The following KCNIP1 variants were observed in gnomAD, a reference collection of about 807,000 sequenced individuals.
KCNIP1 encodes the protein A-type potassium channel modulatory protein KCNIP1.
In KCNIP1, 18 loss-of-function variants were observed where a neutral mutation model predicts 33.0. The ratio of observed to expected loss-of-function variants is 0.55; its 90% CI spans 0.38 to 0.81. The LOEUF is 0.81. Among genes scored for constraint, KCNIP1 ranks in the 30% least tolerant of loss-of-function variants. KCNIP1 has a pLI of 0.00. For synonymous variants in KCNIP1, 93 were observed against 98.3 expected, an observed-to-expected ratio of 0.95 and a Z score of 0.32; for missense variants, 238 against 271.6, an observed-to-expected ratio of 0.88 and a Z score of 0.87.
chr5:170,684,309 T>C (rs1230227655), intron 1 of KCNIP1, among the ~76,000 whole-genome samples: 2 of 152,292 alleles, frequency 1.3e-5, no homozygotes, highest in East Asian at 3.9e-4. Context: ...TCTCACATAG[T>C]TCAGGAGGCT....
chr5:170,623,424 C>A (rs1038855584), intron 1 of KCNIP1, among the ~76,000 whole-genome samples: 3 of 151,938 alleles, frequency 2.0e-5, no homozygotes, highest in Non-Finnish European at 4.4e-5. Context: ...GTTGGTCAGG[C>A]TGGTCTTGAA....
Position 170,482,795 on chromosome 5 carries a change from T to C in KCNIP1, c.88+128831T>C, listed in dbSNP as rs972033180. Among the ~76,000 whole-genome samples, 3 of 152,302 alleles carry C rather than the reference T, an allele frequency of 2.0e-5. No individual in the cohort carries two copies. In the East Asian group the frequency reaches 5.8e-4, roughly 29 times the overall value. On this transcript the variant is annotated intron_variant, in intron 1 of 7. Transcript: ENST00000377360. ...TTATTAGCTCCAAAATTATAATAAC[T>C]TCCACAGCCTTCTTCCACCAATTCT... is the stretch of plus-strand genomic sequence containing the variant.
intron 1 of KCNIP1, among the ~76,000 whole-genome samples, chr5:170,414,896 G>T (rs1176104403): frequency 3.3e-5 from 5 of 152,184 alleles, no homozygotes; most frequent in Admixed American, 2.0e-4. Context: ...TATGTGTGAT[G>T]CGAAAAGGAA....
intron 1 of KCNIP1, among the ~76,000 whole-genome samples, chr5:170,432,281 C>T (rs763620628): frequency 2.0e-5 from 3 of 152,268 alleles, no homozygotes; most frequent in South Asian, 2.1e-4. Flanking sequence ...CCTGCAGACA[C>T]GTATTGTAGG....
intron 1 of KCNIP1, among the ~76,000 whole-genome samples, chr5:170,401,688 G>A (rs1391558941): frequency 6.6e-6 from 1 of 151,936 alleles, no homozygotes; most frequent in Non-Finnish European, 1.5e-5. Context: ...CTTGAGCCCA[G>A]GAAGTCAAGG....
At chr5:170,393,962 T>A (rs961988952) in intron 1 of KCNIP1, among the ~76,000 whole-genome samples, 5 of 152,164 alleles carry the variant, frequency 3.3e-5, no homozygotes, top group Non-Finnish European at 7.3e-5. Context: ...GCTTTTTCCT[T>A]AGTGCAAATC....
At chr5:170,661,786 ATATAT>A (rs1373322962) in intron 1 of KCNIP1, among the ~76,000 whole-genome samples, 4 of 152,228 alleles carry the variant, frequency 2.6e-5, no homozygotes, top group Non-Finnish European at 5.9e-5. Context: ...ACCGGCAAAT[ATATAT>A]TAGATATCGA....
At chr5:170,471,684 T>G (rs979809215) in intron 1 of KCNIP1, among the ~76,000 whole-genome samples, 1 of 152,136 alleles carries the variant, frequency 6.6e-6, no homozygotes, top group Non-Finnish European at 1.5e-5. Flanking sequence ...ACTGAACTGC[T>G]GCTCAGGGCT....
At chr5:170,607,488 AG>A (rs1306889596) in intron 1 of KCNIP1, among the ~76,000 whole-genome samples, 4 of 152,188 alleles carry the variant, frequency 2.6e-5, no homozygotes, top group African/African-American at 4.8e-5. Flanking sequence ...TGAGCAGTCT[AG>A]CCCCCACTTT....
intron 1 of KCNIP1, among the ~76,000 whole-genome samples, chr5:170,623,390 T>G (rs1030183938): frequency 2.6e-5 from 4 of 151,900 alleles, no homozygotes; most frequent in Admixed American, 6.6e-5. Context: ...TTTTGTATTT[T>G]TAGTAGAGAT....
At chr5:170,735,077 C>T (rs943870271) in intron 7 of KCNIP1, among the ~76,000 whole-genome samples, 6 of 152,208 alleles carry the variant, frequency 3.9e-5, no homozygotes, top group Non-Finnish European at 7.3e-5. Flanking sequence ...CCAAATAAGC[C>T]TATACTGACA....
At chr5:170,407,670 G>C (rs1581163029) in intron 1 of KCNIP1, among the ~76,000 whole-genome samples, 1 of 152,278 alleles carries the variant, frequency 6.6e-6, no homozygotes, top group East Asian at 1.9e-4. Flanking sequence ...TGTTGTTTCT[G>C]TCATCATTTT....
chr5:170,410,292 C>G (rs572907819), intron 1 of KCNIP1, among the ~76,000 whole-genome samples: 1 of 115,756 alleles, frequency 8.6e-6, no homozygotes, highest in Admixed American at 9.0e-5. Context: ...TGTACCAGGT[C>G]CCCCACTCAG....
At chr5:170,659,446 A>G (rs919878100) in intron 1 of KCNIP1, among the ~76,000 whole-genome samples, 4 of 152,192 alleles carry the variant, frequency 2.6e-5, no homozygotes, top group African/African-American at 7.2e-5. Flanking sequence ...TATGTCCACT[A>G]TGGAAAATTT....
In KCNIP1 at chr5:170,703,288, G is replaced by A. The variant is rs150990598; in HGVS notation, c.62-15470G>A. On this transcript the variant is annotated intron_variant, in intron 1 of 7. Coordinates refer to ENST00000328939, the MANE Select transcript of KCNIP1 (RefSeq NM_014592.4). ...GGATTGCAGATTCAGGTATATAAAC[G>A]AGTGATGATGACTCTAACAACAGCT... Among the ~76,000 whole-genome samples, 11 of 138,046 alleles carry A rather than the reference G, an allele frequency of 8.0e-5. 1 individual carries two copies. Among genetic ancestry groups the A allele is most frequent in the African/African-American group, 2.9e-4 (11 of 37,820 alleles). The allele number at this position is 138,046 out of a possible 152,430, so 90.6% of individuals were successfully genotyped here. A position where few individuals can be genotyped will look rare whatever the true frequency, so the allele number is the denominator to read the frequency against.
intron 1 of KCNIP1, among the ~76,000 whole-genome samples, chr5:170,415,293 T>C (rs896444574): frequency 2.6e-5 from 4 of 152,184 alleles, no homozygotes; most frequent in African/African-American, 9.7e-5. Context: ...CCTCAGTGTG[T>C]TCCTATCCTT....
At chr5:170,670,752 G>T (rs1433671867) in intron 1 of KCNIP1, among the ~76,000 whole-genome samples, 1 of 152,096 alleles carries the variant, frequency 6.6e-6, no homozygotes, top group Non-Finnish European at 1.5e-5. Context: ...ATTTAGCCAG[G>T]TGTGGTGATG....
At chr5:170,599,426 G>A (rs976460008) in intron 1 of KCNIP1, among the ~76,000 whole-genome samples, 1 of 152,144 alleles carries the variant, frequency 6.6e-6, no homozygotes, top group Non-Finnish European at 1.5e-5. Flanking sequence ...CATCTCAAAT[G>A]AGATCAGGGC....
In KCNIP1 at chr5:170,566,383, G is replaced by A. The variant is rs753992652; in HGVS notation, c.61+61750G>A. Among the ~76,000 whole-genome samples the A allele has an allele frequency of 2.3e-4, 35 of 152,302 alleles. 1 individual carries two copies. The highest frequency in any genetic ancestry group is 4.4e-4 in the Non-Finnish European group (30 of 68,018). On this transcript the variant is annotated intron_variant, in intron 1 of 7. Coordinates refer to ENST00000328939, the MANE Select transcript of KCNIP1 (RefSeq NM_014592.4). The stretch of plus-strand genomic sequence containing the variant: ...GCTGGGATTACAGGCGTTAGCCACC[G>A]CGCCCGGCCAACTATCCGTATTATT...
Sources: gnomAD v4.1 joint callset for allele counts (sites outside exome capture counted in the v4.1 genomes callset) on GRCh38, gnomAD v4.1.1 for gene constraint, MANE v1.5 for transcripts, NCBI Gene and HGNC (gene_info 2026-07-23, HGNC 2026-07-21) for gene names.